MYOM2: variants seen among roughly 807,000 people sequenced by gnomAD.
MYOM2 encodes myomesin-2.
Under a neutral mutation model 187.6 loss-of-function variants are expected in MYOM2, and 254 were observed. The observed-to-expected ratio is 1.35, with a 90% CI of 1.22 to 1.50. The LOEUF is 1.50. Ranked by LOEUF, MYOM2 falls within the 40% of genes most tolerant of loss-of-function variation. The probability of loss-of-function intolerance (pLI) is 0.00; values close to 1 mark genes in which losing one functional copy is unlikely to be tolerated. For missense variants in MYOM2, 2,796 were observed against 1,924.0 expected (o/e 1.45, Z -8.48); for synonymous variants, 981 against 753.8 (o/e 1.30, Z -4.94).
At chr8:2,103,330 T>C (rs1217307800) in intron 21 of MYOM2, among the ~76,000 whole-genome samples, 2 of 151,790 alleles carry the variant, frequency 1.3e-5, no homozygotes, top group African/African-American at 2.4e-5. Context: ...AGAGTGTACA[T>C]ATATTATGTG....
intron 28 of MYOM2, among the ~76,000 whole-genome samples, chr8:2,118,441 T>A (rs1377022715): frequency 1.3e-5 from 2 of 152,194 alleles, no homozygotes; most frequent in East Asian, 1.9e-4. Context: ...TTTGACTGTC[T>A]CAGGATGAGG....
chr8:2,131,725 G>A (rs1337916269), intron 32 of MYOM2, among the ~76,000 whole-genome samples: 2 of 147,266 alleles, frequency 1.4e-5, no homozygotes, highest in Admixed American at 1.4e-4. Context: ...CTCACTGCAA[G>A]CTCAGCCTCC....
At chr8:2,143,555 T>C in intron 36 of MYOM2, 99 bp downstream of exon 36, 1 of 1,422,526 alleles carries the variant, frequency 7.0e-7, no homozygotes, top group Non-Finnish European at 9.9e-7. Flanking sequence ...AGTGAGGGGC[T>C]TCTGTGTCCT....
chr8:2,079,154 C>G (rs934640399), intron 12 of MYOM2, among the ~76,000 whole-genome samples: 9 of 152,110 alleles, frequency 5.9e-5, no homozygotes, highest in Non-Finnish European at 1.2e-4. Flanking sequence ...TGCCTCTCCT[C>G]CAGAAAGCTC....
rs1442410361 is a variant in MYOM2 at position 2,086,174 on chromosome 8, C to T, written c.1644+784C>T. On this transcript the variant is annotated intron_variant, in intron 14 of 36. Transcript: ENST00000262113. ...TGGCCCCCCACTGTTGTGATCTCTG[C>T]GTGGCCCCACTGTCATGATCTCTGC... Among the ~76,000 whole-genome samples, 20 of 5,268 alleles carry T rather than the reference C, an allele frequency of 3.8e-3. 3 individuals are homozygous for T. The highest frequency in any genetic ancestry group is 0.012 in the South Asian group (1 of 82). 3.5% of individuals were successfully genotyped at this position (5,268 alleles called of 152,430 possible).
chr8:2,115,801 C>T (rs536390356), intron 25 of MYOM2, among the ~76,000 whole-genome samples, 159 bp from the exon 26 acceptor site: 3 of 152,176 alleles, frequency 2.0e-5, no homozygotes, highest in Non-Finnish European at 4.4e-5. Context: ...ACTGTTTGAT[C>T]CTTGTTCACC....
At chr8:2,122,620 G>A (rs1032700551) in intron 28 of MYOM2, among the ~76,000 whole-genome samples, 65 of 152,192 alleles carry the variant, frequency 4.3e-4, no homozygotes, top group Non-Finnish European at 2.9e-5. Flanking sequence ...AATCTCATGG[G>A]ATTCAAACAT....
Position 2,131,079 on chromosome 8 carries a change from G to A in MYOM2, c.3800+1847G>A, listed in dbSNP as rs1003237486. 2.6e-5 allele frequency among the ~76,000 whole-genome samples: 4 copies of A among 152,176 alleles called. No homozygotes were observed. In the East Asian group the frequency reaches 5.8e-4, roughly 22 times the overall value. ...GTGTGGTTTGTAGTACAGGCCATGC[G>A]CTGTGCTGGGTCTGGGGGGTACAGA... On this transcript the variant is annotated intron_variant, in intron 32 of 36. Coordinates refer to ENST00000262113, the MANE Select transcript of MYOM2 (RefSeq NM_003970.4).
At chr8:2,102,838 G>A (rs1299009904) in intron 21 of MYOM2, 57 bp downstream of exon 21, 2 of 1,382,672 alleles carry the variant, frequency 1.4e-6, no homozygotes, top group Admixed American at 1.8e-5. Flanking sequence ...GAGTGTGCAT[G>A]TATTATGGAT....
intron 17 of MYOM2, among the ~76,000 whole-genome samples, chr8:2,094,749 G>A (rs968131451): frequency 6.6e-6 from 1 of 152,178 alleles, no homozygotes; most frequent in Non-Finnish European, 1.5e-5. Context: ...CTCAGTTCTA[G>A]GAACTTTAGT....
Position 2,050,761 on chromosome 8 carries a change from G to A in MYOM2, c.-6G>A, listed in dbSNP as rs10453145. On this transcript the variant is annotated 5_prime_UTR_variant, in exon 2 of 37. Coordinates refer to ENST00000262113, the MANE Select transcript of MYOM2 (RefSeq NM_003970.4). ...TGTGTGACTCTCTTTGTAGGAGCACGCCAAGATGTCCCTTGTGACTGTCCC... is the reference window on the plus strand; with the variant it reads ...TGTGTGACTCTCTTTGTAGGAGCACACCAAGATGTCCCTTGTGACTGTCCC... 2.8e-4 allele frequency: 454 copies of A among 1,603,650 alleles called. 4 individuals carry two copies. In the African/African-American group the frequency reaches 5.3e-3, roughly 19 times the overall value.
rs918818452 is a variant in MYOM2, at chr8:2,077,747, C to T, written c.1263-987C>T. Among the ~76,000 whole-genome samples, 63 of 152,256 alleles carry T rather than the reference C, an allele frequency of 4.1e-4. 1 individual carries two copies. The highest frequency in any genetic ancestry group is 6.5e-5 in the Admixed American group (1 of 15,292). On this transcript the variant is annotated intron_variant, in intron 11 of 36. Transcript: ENST00000262113. ...ACGCTCCTCCCCTCATTACAAAAAG[C>T]GCAAACATGAAATTCAAAGCAACGG...
chr8:2,124,287 C>A, intron 31 of MYOM2, 70 bp downstream of exon 31: 2 of 1,467,262 alleles, frequency 1.4e-6, no homozygotes, highest in Non-Finnish European at 1.9e-6. Flanking sequence ...CACGGGAAGT[C>A]ACTGCTGCAA....
At chr8:2,086,807 A>G (rs991490091) in intron 14 of MYOM2, among the ~76,000 whole-genome samples, 2 of 152,162 alleles carry the variant, frequency 1.3e-5, no homozygotes, top group East Asian at 3.9e-4. Flanking sequence ...AGGCGCCTAC[A>G]TGCTGGGGAT....
rs1797414858 is a variant in MYOM2 at position 2,120,685 on chromosome 8, T to TA, written c.3454-2566dup. ...ATATATATATATATATTATATTATA[T>TA]ATAAATATATAATATATATATTTTA... On this transcript the variant is annotated intron_variant, in intron 28 of 36. Coordinates refer to ENST00000262113, the MANE Select transcript of MYOM2 (RefSeq NM_003970.4). 1.3e-3 allele frequency among the ~76,000 whole-genome samples: 50 copies of TA among 39,112 alleles called. 6 individuals carry two copies. In the South Asian group the frequency reaches 0.019, roughly 15 times the overall value. 25.7% of individuals were successfully genotyped at this position (39,112 alleles called of 152,430 possible). A position where few individuals can be genotyped will look rare whatever the true frequency, so the allele number is the denominator to read the frequency against.
intron 32 of MYOM2, among the ~76,000 whole-genome samples, chr8:2,129,584 C>A (rs6558608): frequency 0.016 from 2,448 of 152,262 alleles, 64 homozygotes; most frequent in African/African-American, 0.054. Flanking sequence ...CTCCAAATTT[C>A]CAGTCAGTTG....
At chr8:2,110,334 C>CA (rs1563062509) in intron 25 of MYOM2, among the ~76,000 whole-genome samples, 1 of 152,100 alleles carries the variant, frequency 6.6e-6, no homozygotes, top group East Asian at 1.9e-4. Flanking sequence ...ACAACAACAA[C>CA]AAAAAAGGCA....
At chr8:2,129,727 T>C (rs1797786110) in intron 32 of MYOM2, among the ~76,000 whole-genome samples, 2 of 152,150 alleles carry the variant, frequency 1.3e-5, no homozygotes, top group African/African-American at 2.4e-5. Context: ...TCGGTACGGA[T>C]CACTGAGAAA....
At chr8:2,095,101 A>G (rs976841466) in intron 17 of MYOM2, among the ~76,000 whole-genome samples, 4 of 152,162 alleles carry the variant, frequency 2.6e-5, no homozygotes, top group Non-Finnish European at 5.9e-5. Context: ...CATTTTCAGA[A>G]ATTAAAATTT....
Sources: gnomAD v4.1 joint callset for allele counts (sites outside exome capture counted in the v4.1 genomes callset) on GRCh38, gnomAD v4.1.1 for gene constraint, MANE v1.5 for transcripts, NCBI Gene and HGNC (gene_info 2026-07-23, HGNC 2026-07-21) for gene names.